Variants in GATAD2A observed in about 807,000 individuals in gnomAD.
The protein encoded by GATAD2A is GATA zinc finger domain containing 2A.
A neutral mutation model predicts 68.5 loss-of-function variants in GATAD2A; 12 were observed. The ratio of observed to expected loss-of-function variants is 0.18; its 90% CI spans 0.11 to 0.28. GATAD2A has a LOEUF of 0.28. Among genes scored for constraint, GATAD2A ranks in the 10% least tolerant of loss-of-function variants. The pLI, the probability that GATAD2A is intolerant of heterozygous loss-of-function variation, is 1.00. For synonymous variants in GATAD2A, 410 were observed against 375.3 expected (o/e 1.09, Z -1.07); for missense variants, 755 against 868.5 (o/e 0.87, Z 1.64).
At chr19:19,429,624 C>G (rs1010755620) in intron 1 of GATAD2A, among the ~76,000 whole-genome samples, 9 of 151,752 alleles carry the variant, frequency 5.9e-5, no homozygotes, top group Non-Finnish European at 1.3e-4. Context: ...CTGCCCCTGC[C>G]TGTCTCCTCC....
intron 1 of GATAD2A, among the ~76,000 whole-genome samples, chr19:19,406,402 C>T (rs1156790357): frequency 2.7e-5 from 4 of 150,352 alleles, no homozygotes; most frequent in Non-Finnish European, 5.9e-5. Context: ...GGCGGGGGTC[C>T]CGCTCAGGGG....
chr19:19,500,233 A>G (rs897462071), intron 8 of GATAD2A, among the ~76,000 whole-genome samples: 50 of 152,296 alleles, frequency 3.3e-4, no homozygotes, highest in Non-Finnish European at 6.3e-4. Flanking sequence ...CACGCTGGCC[A>G]TGGGTTGGAC....
rs1568350236 is a variant in GATAD2A at position 19,507,300 on chromosome 19, A to AT, written c.*1831dup. On this transcript the variant is annotated 3_prime_UTR_variant, in exon 12 of 12. Coordinates refer to ENST00000683918, the MANE Select transcript of GATAD2A (RefSeq NM_001384528.1). ...GTATGCAAGCATTTCTATTCCTCGCATTTTTCTGTGTGCCTGGCAAATAAA... is the reference window on the plus strand; with the variant it reads ...GTATGCAAGCATTTCTATTCCTCGCATTTTTTCTGTGTGCCTGGCAAATAAA... 6.6e-6 allele frequency: 1 copy of AT among 150,728 alleles called. No homozygotes were observed. The highest frequency in any genetic ancestry group is 1.5e-5 in the Non-Finnish European group (1 of 67,810). 9.3% of individuals were successfully genotyped at this position (150,728 alleles called of 1,614,324 possible).
intron 1 of GATAD2A, among the ~76,000 whole-genome samples, chr19:19,437,180 A>C (rs992594480): frequency 6.6e-6 from 1 of 152,074 alleles, no homozygotes; most frequent in Non-Finnish European, 1.5e-5. Flanking sequence ...CCCAGGCTGG[A>C]GTGTAATGGC....
chr19:19,484,545 T>C (rs547227025), intron 2 of GATAD2A, among the ~76,000 whole-genome samples: 2 of 145,668 alleles, frequency 1.4e-5, no homozygotes, highest in African/African-American at 2.5e-5. Flanking sequence ...TTTTTTTTTT[T>C]TTTTTGAGAC....
rs543826199 is a variant in GATAD2A, at chr19:19,450,502, G to A, written c.-6-14838G>A. Reference sequence around the variant, plus strand: ...AGGTACTACTTCACTTGAATTGGATGTGTGCTGCTCATGTCTTTTTGGAGT... The same window carrying A: ...AGGTACTACTTCACTTGAATTGGATATGTGCTGCTCATGTCTTTTTGGAGT... On this transcript the variant is annotated intron_variant, in intron 1 of 11. Coordinates refer to ENST00000683918, the MANE Select transcript of GATAD2A (RefSeq NM_001384528.1). 2.0e-5 allele frequency among the ~76,000 whole-genome samples: 3 copies of A among 152,242 alleles called. No homozygotes were observed. The East Asian group carries it at 5.8e-4, about 29-fold the overall frequency.
chr19:19,443,836 G>A (rs2055380462), intron 1 of GATAD2A, among the ~76,000 whole-genome samples: 1 of 151,946 alleles, frequency 6.6e-6, no homozygotes, highest in Admixed American at 6.6e-5. Context: ...GCCACTTGGG[G>A]GTAGTTTAGG....
chr19:19,499,392 G>A (rs1476146671), intron 8 of GATAD2A, among the ~76,000 whole-genome samples: 3 of 152,114 alleles, frequency 2.0e-5, no homozygotes, highest in Non-Finnish European at 2.9e-5. Flanking sequence ...TCCTCTCCTG[G>A]TGACTGCATC....
chr19:19,492,448 G>A lies in GATAD2A; in HGVS notation c.402+10G>A, dbSNP rs371527975. On this transcript the variant is annotated intron_variant, in intron 3 of 11. Transcript: ENST00000683918. ...CACCGAGGCCCTCATGGTGAGCCAC[G>A]TGTTGGCGCTGCCGCCGGAGCCCCA... 53 of 1,613,754 alleles carry A rather than the reference G, an allele frequency of 3.3e-5. No homozygotes were observed. Among genetic ancestry groups the A allele is most frequent in the Non-Finnish European group, 4.2e-5 (50 of 1,179,862 alleles).
At chr19:19,487,334 G>T (rs1047543380) in intron 2 of GATAD2A, among the ~76,000 whole-genome samples, 2 of 152,184 alleles carry the variant, frequency 1.3e-5, no homozygotes. Context: ...CCTGAAGGAG[G>T]TCGTGATGGC....
chr19:19,476,186 T>C (rs184060242), intron 2 of GATAD2A, among the ~76,000 whole-genome samples: 67 of 152,342 alleles, frequency 4.4e-4, no homozygotes, highest in African/African-American at 1.5e-3. Context: ...GGCCACACTT[T>C]ATATGGACAT....
At chr19:19,502,109 C>T in intron 10 of GATAD2A, 66 bp downstream of exon 10, 7 of 1,175,918 alleles carry the variant, frequency 6.0e-6, no homozygotes, top group South Asian at 4.9e-5. Context: ...CGTCAGTCGC[C>T]GACTGTCACG....
intron 1 of GATAD2A, chr19:19,441,661 A>T (rs148407077): frequency 0.029 from 5,147 of 180,532 alleles, 115 homozygotes; most frequent in Non-Finnish European, 0.042. Flanking sequence ...TCCCAGGTTC[A>T]TGCCATTCTC....
chr19:19,469,130 T>C (rs780450063), intron 2 of GATAD2A, among the ~76,000 whole-genome samples: 6 of 152,164 alleles, frequency 3.9e-5, no homozygotes, highest in East Asian at 1.9e-4. Context: ...CTTTAAAATA[T>C]AGTTTTTTAA....
At chr19:19,417,695 A>G (rs1308398734) in intron 1 of GATAD2A, among the ~76,000 whole-genome samples, 1 of 152,192 alleles carries the variant, frequency 6.6e-6, no homozygotes, top group African/African-American at 2.4e-5. Context: ...GCATGACAAT[A>G]TCGACTTGAA....
intron 1 of GATAD2A, among the ~76,000 whole-genome samples, chr19:19,454,879 T>C (rs2056784050): frequency 6.6e-6 from 1 of 152,196 alleles, no homozygotes; most frequent in South Asian, 2.1e-4. Flanking sequence ...GTTGCGATGG[T>C]TGCGTGTGGT....
chr19:19,501,982 G>A lies in GATAD2A; in HGVS notation c.1517G>A (p.Arg506Gln), dbSNP rs747431890. The change falls in exon 10 of 12, where the codon CGG becomes CAG. Residue 506 changes from arginine to glutamine, a missense_variant. Transcript: ENST00000683918. The stretch of plus-strand genomic sequence containing the variant: ...CCGTTTGTGTAGGTCATAAAACCCC[G>A]GCGTAAGTTGGCGTTCCGCTCAGGA... Reference protein sequence around the residue: ...HPVLKQVIKPRRKLAFRSGEA... With the variant: ...HPVLKQVIKPQRKLAFRSGEA... 1.9e-5 allele frequency: 31 copies of A among 1,613,796 alleles called. No individual in the cohort carries two copies. The highest frequency in any genetic ancestry group is 1.6e-4 in the Middle Eastern group (1 of 6,082).
intron 2 of GATAD2A, among the ~76,000 whole-genome samples, chr19:19,491,736 C>T (rs1023027030): frequency 6.6e-6 from 1 of 152,234 alleles, no homozygotes; most frequent in African/African-American, 2.4e-5. Context: ...ATACACCCCT[C>T]GGTCTTCTGG....
intron 1 of GATAD2A, chr19:19,457,224 T>TA: frequency 1.0e-6 from 1 of 985,442 alleles, no homozygotes; most frequent in South Asian, 4.7e-5. Context: ...CAGAGCCTGT[T>TA]ATCTGGTGAG....
Sources: gnomAD v4.1 joint callset for allele counts (sites outside exome capture counted in the v4.1 genomes callset) on GRCh38, gnomAD v4.1.1 for gene constraint, MANE v1.5 for transcripts, NCBI Gene and HGNC (gene_info 2026-07-23, HGNC 2026-07-21) for gene names.